The following UST variants were observed in gnomAD, a reference collection of about 807,000 sequenced individuals.
UST encodes uronyl 2-sulfotransferase.
A neutral mutation model predicts 45.6 loss-of-function variants in UST; 21 were observed. That is an observed-to-expected ratio of 0.46 (90% CI 0.33 to 0.66). The LOEUF (loss-of-function observed/expected upper bound fraction) is 0.66. UST is among the 30% of genes least tolerant of loss of function. The pLI, the probability that UST is intolerant of heterozygous loss-of-function variation, is 0.02. For missense variants in UST, 463 were observed against 512.4 expected (o/e 0.90, Z 0.93); for synonymous variants, 215 against 200.6 (o/e 1.07, Z -0.61).
At chr6:149,004,105 G>GTATTGAATATAGTATTTAATA (rs1781603027) in intron 5 of UST, among the ~76,000 whole-genome samples, 2 of 152,086 alleles carry the variant, frequency 1.3e-5, no homozygotes, top group Admixed American at 6.5e-5. Context: ...AGTATTTAAT[G>GTATTGAATATAGTATTTAATA]TATTTAATAT....
chr6:148,748,649 A>AG lies in UST; in HGVS notation c.247+974dup, dbSNP rs1382578207. Among the ~76,000 whole-genome samples the AG allele has an allele frequency of 5.3e-5, 8 of 152,160 alleles. No individual in the cohort carries two copies. The East Asian group carries it at 1.5e-3, about 29-fold the overall frequency. On this transcript the variant is annotated intron_variant, in intron 1 of 7. Transcript: ENST00000367463. The surrounding 1 kb of genome is among the most constrained non-coding windows in gnomAD (Gnocchi z 5.3). ...CTGGCACTCGCGTTCGAGCCAAGGGAGGATGCAGATCCCTCCCAAGTCTGT... is the reference window on the plus strand; with the variant it reads ...CTGGCACTCGCGTTCGAGCCAAGGGAGGGATGCAGATCCCTCCCAAGTCTGT...
chr6:149,071,715 T>C (rs1389806890), intron 7 of UST, among the ~76,000 whole-genome samples: 1 of 152,260 alleles, frequency 6.6e-6, no homozygotes, highest in African/African-American at 2.4e-5. Flanking sequence ...TATTTGTAAA[T>C]TATATACCTG....
chr6:149,037,981 CCTT>C (rs1303185315), intron 7 of UST, among the ~76,000 whole-genome samples: 1 of 152,134 alleles, frequency 6.6e-6, no homozygotes, highest in East Asian at 1.9e-4. Context: ...TAGGGTTTGG[CCTT>C]CTTGGCTTCA....
Position 149,024,819 on chromosome 6 carries a change from G to A in UST, c.937+3338G>A, listed in dbSNP as rs567690665. The stretch of plus-strand genomic sequence containing the variant: ...AGAGAGAAGAAAAGCTAAAATCTAA[G>A]ATACTGATTTAAGGGATCTAGTGAC... On this transcript the variant is annotated intron_variant, in intron 7 of 7. Coordinates refer to ENST00000367463, the MANE Select transcript of UST (RefSeq NM_005715.3). Among the ~76,000 whole-genome samples the A allele has an allele frequency of 3.9e-5, 6 of 152,140 alleles. No individual in the cohort carries two copies. In the South Asian group the frequency reaches 1.2e-3, roughly 32 times the overall value.
chr6:148,816,280 A>G (rs1777353514), intron 1 of UST, among the ~76,000 whole-genome samples: 3 of 152,194 alleles, frequency 2.0e-5, no homozygotes, highest in Admixed American at 2.0e-4. Flanking sequence ...GAGGAGGAGG[A>G]TGAATGACAG....
intron 7 of UST, among the ~76,000 whole-genome samples, chr6:149,039,290 G>A (rs772690327): frequency 3.3e-5 from 5 of 152,108 alleles, no homozygotes; most frequent in South Asian, 4.2e-4. Flanking sequence ...ACAGTGACAC[G>A]ATCTTGACTC....
intron 2 of UST, among the ~76,000 whole-genome samples, chr6:148,936,859 C>CAATACAA (rs1272629850): frequency 6.6e-6 from 1 of 152,026 alleles, no homozygotes; most frequent in Non-Finnish European, 1.5e-5. Flanking sequence ...CCACTCCTAG[C>CAATACAA]TAATTTTGTA....
intron 5 of UST, among the ~76,000 whole-genome samples, chr6:149,016,151 A>C (rs889013689): frequency 1.3e-5 from 2 of 152,246 alleles, no homozygotes; most frequent in Non-Finnish European, 2.9e-5. Context: ...AATGCCGTTC[A>C]TCAACCTAAT....
chr6:148,918,099 A>C (rs2114890502), intron 2 of UST, among the ~76,000 whole-genome samples: 1 of 152,326 alleles, frequency 6.6e-6, no homozygotes, highest in Non-Finnish European at 1.5e-5. Flanking sequence ...CGTGGGGTTA[A>C]AATTCCAGAA....
intron 1 of UST, among the ~76,000 whole-genome samples, chr6:148,845,678 G>A (rs574364496): frequency 1.0e-3 from 158 of 152,242 alleles, no homozygotes; most frequent in Non-Finnish European, 1.9e-3. Context: ...GTAGAAACAT[G>A]TTTAACTTTA....
chr6:148,867,784 T>C (rs1454742965), intron 1 of UST, among the ~76,000 whole-genome samples: 2 of 152,242 alleles, frequency 1.3e-5, no homozygotes, highest in African/African-American at 4.8e-5. Context: ...GTCTCAGGTA[T>C]GTCTTTATCA....
chr6:148,992,643 C>T (rs1044881031), intron 5 of UST, among the ~76,000 whole-genome samples: 1 of 151,938 alleles, frequency 6.6e-6, no homozygotes, highest in Non-Finnish European at 1.5e-5. Flanking sequence ...TTTTGCTGTC[C>T]AACTCTCTGA....
chr6:148,971,899 T>C (rs1780925355), intron 5 of UST, among the ~76,000 whole-genome samples: 1 of 152,222 alleles, frequency 6.6e-6, no homozygotes, highest in Non-Finnish European at 1.5e-5. Flanking sequence ...TTCAAGTCGA[T>C]GTGGATAGAC....
At chr6:148,878,705 G>A (rs990864642) in intron 1 of UST, among the ~76,000 whole-genome samples, 6 of 50,108 alleles carry the variant, frequency 1.2e-4, no homozygotes, top group East Asian at 6.1e-4. Flanking sequence ...GTGTGAGTGC[G>A]GAGGTCGTGT....
At chr6:148,894,072 G>T (rs1483176216) in intron 2 of UST, among the ~76,000 whole-genome samples, 1 of 152,130 alleles carries the variant, frequency 6.6e-6, no homozygotes, top group Non-Finnish European at 1.5e-5. Flanking sequence ...CTCACTGCTG[G>T]AGTTTTAAGA....
intron 7 of UST, among the ~76,000 whole-genome samples, chr6:149,038,051 A>AG (rs1776262027): frequency 6.6e-6 from 1 of 152,148 alleles, no homozygotes; most frequent in African/African-American, 2.4e-5. Context: ...CTAAAGAGAG[A>AG]GAAACTCTGT....
intron 2 of UST, among the ~76,000 whole-genome samples, chr6:148,921,608 A>G (rs536484382): frequency 9.8e-5 from 15 of 152,292 alleles, no homozygotes; most frequent in Admixed American, 3.3e-4. Context: ...CTCTGGAGCC[A>G]TCCTTTGGAA....
intron 7 of UST, among the ~76,000 whole-genome samples, chr6:149,048,001 T>C (rs1429049212): frequency 2.0e-5 from 3 of 152,184 alleles, no homozygotes; most frequent in African/African-American, 7.2e-5. Context: ...GGTAATGTGC[T>C]CTCTGGTAAA....
intron 1 of UST, among the ~76,000 whole-genome samples, chr6:148,781,076 AG>A (rs1220186687): frequency 6.6e-6 from 1 of 152,184 alleles, no homozygotes; most frequent in African/African-American, 2.4e-5. Flanking sequence ...TTGAAGTGAA[AG>A]GAAAAGTTGC....
Sources: allele counts gnomAD v4.1 joint callset (sites outside exome capture counted in the v4.1 genomes callset), GRCh38; gene constraint gnomAD v4.1.1; non-coding constraint Gnocchi (gnomAD v3.1); transcripts MANE v1.5; gene names NCBI Gene and HGNC (gene_info 2026-07-23, HGNC 2026-07-21).